ARAP2: variants seen among roughly 807,000 people sequenced by gnomAD.
ARAP2 encodes the protein ArfGAP with RhoGAP domain, ankyrin repeat and PH domain 2, also known as arf-GAP with Rho-GAP domain, ANK repeat and PH domain-containing protein 2.
In ARAP2, 148 loss-of-function variants were observed where a neutral mutation model predicts 194.5. That is an observed-to-expected ratio of 0.76 (90% CI 0.67 to 0.87). The LOEUF (loss-of-function observed/expected upper bound fraction) is 0.87. Ranked by LOEUF, ARAP2 falls within the 40% of genes least tolerant of loss-of-function variation. The pLI is 0.00. For missense variants in ARAP2, 2,128 were observed against 1,989.7 expected (o/e 1.07, Z -1.32); for synonymous variants, 695 against 683.5 (o/e 1.02, Z -0.26).
intron 19 of ARAP2, 73 bp downstream of exon 19, chr4:36,147,223 G>T: frequency 7.4e-7 from 1 of 1,353,792 alleles, no homozygotes; most frequent in Non-Finnish European, 1.0e-6. Context: ...TCTCCCTCAA[G>T]ATAATAACAA....
At chr4:36,021,700 G>A (rs192459621) in intron 5 of ARAP2, among the ~76,000 whole-genome samples, 1 of 152,210 alleles carries the variant, frequency 6.6e-6, no homozygotes, top group African/African-American at 2.4e-5. Context: ...TTTTTTAATA[G>A]CAATGCAAGA....
intron 27 of ARAP2, among the ~76,000 whole-genome samples, chr4:36,107,184 G>C (rs1373000193): frequency 6.6e-6 from 1 of 152,020 alleles, no homozygotes; most frequent in Middle Eastern, 3.4e-3. Context: ...CTCTATCTCA[G>C]AGCCTATATA....
intron 1 of ARAP2, among the ~76,000 whole-genome samples, chr4:36,060,141 T>C (rs946003919): frequency 1.3e-5 from 2 of 152,152 alleles, no homozygotes; most frequent in African/African-American, 4.8e-5. Flanking sequence ...GCTGGGTTGA[T>C]TGAAGTGAGT....
chr4:36,157,721 C>T (rs1214619979), intron 15 of ARAP2, among the ~76,000 whole-genome samples: 1 of 152,148 alleles, frequency 6.6e-6, no homozygotes, highest in African/African-American at 2.4e-5. Flanking sequence ...TACTCACTCA[C>T]TACAGGACAG....
At chr4:36,072,565 T>G (rs930040967) in intron 32 of ARAP2, among the ~76,000 whole-genome samples, 2 of 151,886 alleles carry the variant, frequency 1.3e-5, no homozygotes, top group Non-Finnish European at 2.9e-5. Context: ...CTGTTCAGCC[T>G]GTGTTCCCTG....
chr4:36,195,710 C>G (rs995287051), intron 6 of ARAP2, among the ~76,000 whole-genome samples: 2 of 152,180 alleles, frequency 1.3e-5, no homozygotes, highest in African/African-American at 4.8e-5. Flanking sequence ...ACATCTAAAC[C>G]AACTACAAAG....
chr4:36,239,951 T>G (rs1035658838), intron 1 of ARAP2, among the ~76,000 whole-genome samples: 3 of 152,112 alleles, frequency 2.0e-5, no homozygotes, highest in Non-Finnish European at 4.4e-5. Flanking sequence ...GCCTATCCCA[T>G]CCCTCCTCAA....
intron 4 of ARAP2, among the ~76,000 whole-genome samples, 160 bp from the exon 5 acceptor site, chr4:36,212,647 T>G (rs554361936): frequency 2.8e-5 from 4 of 143,668 alleles, no homozygotes; most frequent in Non-Finnish European, 6.1e-5. Flanking sequence ...AAAAAAAAGT[T>G]AGTCTACATT....
chr4:36,150,044 G>A (rs957320036), intron 16 of ARAP2, among the ~76,000 whole-genome samples: 1 of 152,094 alleles, frequency 6.6e-6, no homozygotes, highest in African/African-American at 2.4e-5. Flanking sequence ...TCCTGACAAA[G>A]ATTTATTTAA....
chr4:36,050,694 T>C (rs2109249018), intron 3 of ARAP2, among the ~76,000 whole-genome samples: 1 of 152,358 alleles, frequency 6.6e-6, no homozygotes, highest in East Asian at 1.9e-4. Flanking sequence ...TCAAGTGGAA[T>C]ACCATAAAAT....
chr4:36,042,779 T>C (rs758756987), intron 5 of ARAP2, among the ~76,000 whole-genome samples: 4 of 152,116 alleles, frequency 2.6e-5, no homozygotes, highest in East Asian at 1.9e-4. Context: ...CCAGAGTTCA[T>C]TGGGCACTCA....
chr4:36,098,558 G>C (rs942823091), intron 27 of ARAP2, among the ~76,000 whole-genome samples: 1 of 151,934 alleles, frequency 6.6e-6, no homozygotes, highest in Non-Finnish European at 1.5e-5. Context: ...TTTAAAACAT[G>C]AAATAAATGG....
intron 8 of ARAP2, among the ~76,000 whole-genome samples, chr4:36,179,462 C>A (rs1425444879): frequency 6.6e-6 from 1 of 152,158 alleles, no homozygotes; most frequent in East Asian, 1.9e-4. Flanking sequence ...AGACTCATAG[C>A]ACTATGTGAA....
intron 15 of ARAP2, among the ~76,000 whole-genome samples, chr4:36,158,349 A>G (rs1733074061): frequency 6.6e-6 from 1 of 152,182 alleles, no homozygotes; most frequent in Non-Finnish European, 1.5e-5. Context: ...CTCTAATTGA[A>G]TATGTACTAA....
chr4:36,044,246 C>G (rs1421851216), intron 5 of ARAP2, among the ~76,000 whole-genome samples: 1 of 152,046 alleles, frequency 6.6e-6, no homozygotes, highest in Non-Finnish European at 1.5e-5. Context: ...AAACTAGAGG[C>G]CATTCATGAT....
Position 36,020,088 on chromosome 4 carries a change from GC to G in ARAP2, n.608-803del, listed in dbSNP as rs1716643476. Among the ~76,000 whole-genome samples the G allele has an allele frequency of 3.3e-5, 5 of 152,242 alleles. No individual in the cohort carries two copies. The South Asian group carries it at 1.0e-3, about 32-fold the overall frequency. On this transcript the variant is annotated intron_variant and non_coding_transcript_variant, in intron 5 of 12. Transcript: ENST00000503225. ...GCCATTGCTAGGTAAAATAAGGGTG[GC>G]TTAAACACAAACACTGTTATTATAA...
intron 32 of ARAP2, among the ~76,000 whole-genome samples, chr4:36,072,768 C>T (rs1727333889): frequency 6.6e-6 from 1 of 150,660 alleles, no homozygotes; most frequent in Non-Finnish European, 1.5e-5. Context: ...ACTTTGATTA[C>T]ATCAGGGCAG....
intron 2 of ARAP2, among the ~76,000 whole-genome samples, chr4:36,057,225 G>T (rs1379208155): frequency 1.3e-5 from 2 of 149,378 alleles, no homozygotes; most frequent in Admixed American, 6.7e-5. Context: ...CCTCTTTTAT[G>T]GTGAGAGGCC....
chr4:36,139,201 A>G (rs544622247), intron 19 of ARAP2, among the ~76,000 whole-genome samples: 21 of 151,764 alleles, frequency 1.4e-4, no homozygotes, highest in African/African-American at 4.6e-4. Context: ...TTGCTTTATC[A>G]TATTAAACCC....
Sources: allele counts gnomAD v4.1 joint callset (sites outside exome capture counted in the v4.1 genomes callset), GRCh38; gene constraint gnomAD v4.1.1; transcripts MANE v1.5; gene names NCBI Gene and HGNC (gene_info 2026-07-23, HGNC 2026-07-21).